The following ASAH2 variants were observed in gnomAD, a reference collection of about 807,000 sequenced individuals.
ASAH2 encodes neutral ceramidase.
A neutral mutation model predicts 82.9 loss-of-function variants in ASAH2; 58 were observed. The observed-to-expected ratio is 0.70, with a 90% CI of 0.57 to 0.87. The LOEUF (loss-of-function observed/expected upper bound fraction) is 0.87, where lower values mean the gene tolerates loss of function less well. Ranked by LOEUF, ASAH2 falls within the 40% of genes least tolerant of loss-of-function variation. The pLI is 0.00. For missense variants in ASAH2, 779 were observed against 834.0 expected (o/e 0.93, Z 0.81); for synonymous variants, 276 against 289.7 (o/e 0.95, Z 0.48).
intron 5 of ASAH2, 124 bp from the exon 6 acceptor site, chr10:50,234,676 G>A (rs973904709): frequency 1.8e-5 from 25 of 1,356,198 alleles, no homozygotes; most frequent in African/African-American, 7.3e-5. Context: ...TCCACATTAC[G>A]GGATAAAAGC....
In ASAH2 at chr10:50,203,607, A is replaced by T; in HGVS notation, c.1665+33T>A. The T allele has an allele frequency of 3.0e-6, 4 of 1,348,928 alleles. No homozygotes were observed. In the South Asian group the frequency reaches 3.4e-5, roughly 12 times the overall value. The allele number at this position is 1,348,928 out of a possible 1,614,324, so 83.6% of individuals were successfully genotyped here. ...ATACTTTCCTCTTCACCAAACATGA[A>T]CATGTAGATATGTTATTTTATTTTT... On this transcript the variant is annotated intron_variant, in intron 15 of 20. Transcript: ENST00000682911.
chr10:50,230,836 T>C (rs1034593016), intron 7 of ASAH2, among the ~76,000 whole-genome samples: 44 of 151,426 alleles, frequency 2.9e-4, no homozygotes, highest in Admixed American at 9.2e-4. Context: ...AGACCAGGAG[T>C]TTGAGATCAG....
chr10:50,210,815 C>T lies in ASAH2; in HGVS notation c.1414+8G>A. On this transcript the variant is annotated splice_region_variant and intron_variant, in intron 12 of 20. Transcript: ENST00000682911. Reference sequence around the variant, plus strand: ...TGAAACCATAGATTTTACTGGACTTCACCTTACCCTGTGTAAAATTGAGGC... The same window carrying T: ...TGAAACCATAGATTTTACTGGACTTTACCTTACCCTGTGTAAAATTGAGGC... The T allele has an allele frequency of 6.2e-7, 1 of 1,604,900 alleles. No individual in the cohort carries two copies.
intron 7 of ASAH2, among the ~76,000 whole-genome samples, chr10:50,232,448 G>A (rs1321982415): frequency 6.6e-6 from 1 of 152,036 alleles, no homozygotes; most frequent in South Asian, 2.1e-4. Context: ...GCACTATCTG[G>A]TACTTCCCTA....
chr10:50,234,488 T>G lies in ASAH2; in HGVS notation c.752A>C (p.Asp251Ala). ...CGGACTTCTGTTGATCTGCACACCA[T>G]CCACATTTCCTTTATTGATGAAGAT... ...GKIFINKGNV[D>A]GVQINRSPYS... Residue 251 changes from aspartate to alanine, a missense_variant, in exon 6 of 21, where the codon GAT (aspartate) becomes GCT (alanine). Physicochemically the swap from Asp to Ala is moderately radical, Grantham distance 126. Around this residue, in one of 3 missense-constraint regions of ASAH2, gnomAD observed 759 missense variants for 755.2 expected, o/e 1.00. Transcript: ENST00000682911. 1 of 1,613,094 alleles carries G rather than the reference T, an allele frequency of 6.2e-7. No homozygotes were observed. The highest frequency in any genetic ancestry group is 8.5e-7 in the Non-Finnish European group (1 of 1,179,294).
At position 50,233,181 on chromosome 10, in the gene ASAH2, T is replaced by A; in HGVS notation, c.893+3A>T. On this transcript the variant is annotated splice_donor_region_variant and intron_variant, in intron 7 of 20. Coordinates refer to ENST00000682911, the MANE Select transcript of ASAH2 (RefSeq NM_019893.4). ...AATTATTTTTAAAAAGGAAATACAG[T>A]ACCTGATAAGGCCCAAGTCATCTCC... The A allele has an allele frequency of 6.3e-7, 1 of 1,599,652 alleles. No homozygotes were observed. Among genetic ancestry groups the A allele is most frequent in the Non-Finnish European group, 8.6e-7 (1 of 1,167,062 alleles).
intron 8 of ASAH2, among the ~76,000 whole-genome samples, chr10:50,216,354 C>T (rs1207044135): frequency 1.3e-5 from 2 of 151,976 alleles, no homozygotes; most frequent in Non-Finnish European, 2.9e-5. Context: ...ACTTTTTATT[C>T]CTGTAAAGGC....
At position 50,213,075 on chromosome 10, in the gene ASAH2, T is replaced by C. The variant is rs901001773; in HGVS notation, c.1141-17A>G. Reference sequence around the variant, plus strand: ...CATGCTAGGCTGGAACAAAATAAGATATGATGCATTCTTGGCCAAGTAAGA... The same window carrying C: ...CATGCTAGGCTGGAACAAAATAAGACATGATGCATTCTTGGCCAAGTAAGA... On this transcript the variant is annotated splice_polypyrimidine_tract_variant and intron_variant, in intron 9 of 20. Transcript: ENST00000682911. 3 of 1,592,020 alleles carry C rather than the reference T, an allele frequency of 1.9e-6. No homozygotes were observed. The highest frequency in any genetic ancestry group is 2.6e-6 in the Non-Finnish European group (3 of 1,159,908).
At chr10:50,214,313 C>A (rs1845540909) in intron 9 of ASAH2, among the ~76,000 whole-genome samples, 2 of 152,062 alleles carry the variant, frequency 1.3e-5, no homozygotes, top group African/African-American at 4.8e-5. Context: ...ATTTTTACAG[C>A]AATTTTTTTG....
intron 7 of ASAH2, among the ~76,000 whole-genome samples, chr10:50,227,077 T>C (rs896604938): frequency 6.6e-6 from 1 of 152,146 alleles, no homozygotes; most frequent in African/African-American, 2.4e-5. Context: ...AGTTCAGATA[T>C]AATAATCACA....
Position 50,233,347 on chromosome 10 carries a change from AC to A in ASAH2, c.816-87del. On this transcript the variant is annotated intron_variant, in intron 6 of 20. Transcript: ENST00000682911. ...ATGAACAGTAGCAGCTGACACAAAA[AC>A]AAAAATGCCTCTCAGTAAGTGAGAT... 3 of 937,608 alleles carry A rather than the reference AC, an allele frequency of 3.2e-6. No homozygotes were observed. In the Admixed American group the frequency reaches 5.3e-5, roughly 17 times the overall value. The allele number at this position is 937,608 out of a possible 1,614,324, so 58.1% of individuals were successfully genotyped here.
rs569792283 is a variant in ASAH2, at chr10:50,243,186, C to T, written c.510+16G>A. ...CATATCATTTCTTCATTCATTTCTC[C>T]TCTCAAATCACTTACCTCCAGCCTG... is the stretch of plus-strand genomic sequence containing the variant. On this transcript the variant is annotated intron_variant, in intron 4 of 20. Transcript: ENST00000682911. The T allele has an allele frequency of 8.1e-6, 13 of 1,612,150 alleles. No individual in the cohort carries two copies. The South Asian group carries it at 1.4e-4, about 18-fold the overall frequency.
chr10:50,238,813 T>A (rs1475308062), intron 4 of ASAH2, among the ~76,000 whole-genome samples: 1 of 152,172 alleles, frequency 6.6e-6, no homozygotes, highest in Non-Finnish European at 1.5e-5. Context: ...AAATTATGAA[T>A]CTTGAATTTT....
intron 9 of ASAH2, 39 bp from the exon 10 acceptor site, chr10:50,213,097 A>G: frequency 1.4e-5 from 22 of 1,518,876 alleles, no homozygotes; most frequent in Non-Finnish European, 2.0e-5. Context: ...TTGGCCAAGT[A>G]AGAAATTATT....
chr10:50,242,630 A>ATCTCTCTC (rs35374449), intron 4 of ASAH2, among the ~76,000 whole-genome samples: 1 of 150,878 alleles, frequency 6.6e-6, no homozygotes, highest in African/African-American at 2.4e-5. Flanking sequence ...CTCGCTTTCT[A>ATCTCTCTC]TCTCTCTCTC....
intron 10 of ASAH2, among the ~76,000 whole-genome samples, chr10:50,211,720 T>C (rs967242865): frequency 2.0e-5 from 3 of 152,222 alleles, no homozygotes; most frequent in African/African-American, 7.2e-5. Context: ...ACTCTTTGTT[T>C]TTATTAATTC....
At chr10:50,250,722 G>A (rs1487880215) in intron 1 of ASAH2, among the ~76,000 whole-genome samples, 1 of 152,198 alleles carries the variant, frequency 6.6e-6, no homozygotes, top group Non-Finnish European at 1.5e-5. Flanking sequence ...ATGTGGTCAT[G>A]TGTTAGAAGC....
intron 8 of ASAH2, among the ~76,000 whole-genome samples, chr10:50,216,330 A>C (rs1845601412): frequency 6.6e-6 from 1 of 152,114 alleles, no homozygotes; most frequent in African/African-American, 2.4e-5. Flanking sequence ...TCCAGAAAAA[A>C]ATATTCTGAG....
chr10:50,212,865 G>A, intron 10 of ASAH2, 107 bp downstream of exon 10: 1 of 1,133,912 alleles, frequency 8.8e-7, no homozygotes, highest in East Asian at 2.3e-5. Flanking sequence ...AGCACAACCT[G>A]AGCATTTGCT....
Sources: gnomAD v4.1 joint callset for allele counts (sites outside exome capture counted in the v4.1 genomes callset) on GRCh38, gnomAD v4.1.1 for gene constraint, gnomAD v4.1.1 regional missense constraint, MANE v1.5 for transcripts, NCBI Gene and HGNC (gene_info 2026-07-23, HGNC 2026-07-21) for gene names.